The following GPR137C variants were observed in gnomAD, a reference collection of about 807,000 sequenced individuals.
The protein encoded by GPR137C is integral membrane protein GPR137C.
GPR137C carries 27 observed loss-of-function variants against 43.4 expected under a neutral mutation model. The observed-to-expected ratio is 0.62, with a 90% CI of 0.46 to 0.86. The LOEUF is 0.86. Ranked by LOEUF, GPR137C falls within the 40% of genes least tolerant of loss-of-function variation. The pLI is 0.00. For missense variants in GPR137C, 522 were observed against 534.6 expected (o/e 0.98, Z 0.23); for synonymous variants, 285 against 226.9 (o/e 1.26, Z -2.30).
At chr14:52,598,201 C>G in intron 1 of GPR137C, 71 bp from the exon 2 acceptor site, 1 of 565,138 alleles carries the variant, frequency 1.8e-6, no homozygotes, top group East Asian at 3.2e-5. Flanking sequence ...CTTTAAAACA[C>G]AAAATCAGAA....
intron 1 of GPR137C, among the ~76,000 whole-genome samples, chr14:52,559,588 A>G (rs1026477007): frequency 3.3e-4 from 51 of 152,336 alleles, no homozygotes; most frequent in African/African-American, 1.2e-3. Flanking sequence ...CAAAAAGCCT[A>G]TAGCTGATAT....
chr14:52,553,309 C>G lies in GPR137C; in HGVS notation c.162C>G (p.Ala54=), dbSNP rs1276058906. Residue 54 remains alanine (A), a synonymous_variant, in exon 1 of 7, where the codon GCC becomes GCG. Transcript: ENST00000321662. ...SVQLALSVLH[A]LLYAALFAFA... is the part of the protein sequence containing the mutation. ...AGTTGGCGCTGAGCGTCCTGCACGC[C>G]CTGCTCTACGCCGCGCTGTTCGCCT... 1 of 1,570,410 alleles carries G rather than the reference C, an allele frequency of 6.4e-7. No individual in the cohort carries two copies. The highest frequency in any genetic ancestry group is 1.3e-5 in the African/African-American group (1 of 74,240).
In GPR137C at chr14:52,555,185, A is replaced by G. The variant is rs548875607; in HGVS notation, c.444+1594A>G. ...GAAAGTGACTAGCGATTTTTATGCC[A>G]GGGGCATCAGATGACTTGTTTTTTC... is the stretch of plus-strand genomic sequence containing the variant. On this transcript the variant is annotated intron_variant, in intron 1 of 6. Transcript: ENST00000321662. 3.5e-4 allele frequency among the ~76,000 whole-genome samples: 53 copies of G among 152,320 alleles called. No homozygotes were observed. The East Asian group carries it at 7.5e-3, about 22-fold the overall frequency.
At chr14:52,563,894 T>G (rs890635966) in intron 1 of GPR137C, among the ~76,000 whole-genome samples, 4 of 152,156 alleles carry the variant, frequency 2.6e-5, no homozygotes, top group Admixed American at 6.5e-5. Context: ...GCAGTTAGCC[T>G]TCTAATTGGT....
intron 3 of GPR137C, among the ~76,000 whole-genome samples, chr14:52,606,673 T>C (rs1266239924): frequency 5.3e-5 from 8 of 152,188 alleles, no homozygotes; most frequent in African/African-American, 1.9e-4. Context: ...CATCCTTAGT[T>C]TTAATTATTT....
intron 3 of GPR137C, among the ~76,000 whole-genome samples, chr14:52,625,390 G>C (rs2039211118): frequency 6.7e-6 from 1 of 149,730 alleles, no homozygotes; most frequent in Non-Finnish European, 1.5e-5. Context: ...ACTGAGGCAG[G>C]AGAATCGCTT....
chr14:52,616,182 A>C (rs2039096865), intron 3 of GPR137C, among the ~76,000 whole-genome samples: 1 of 152,238 alleles, frequency 6.6e-6, no homozygotes, highest in South Asian at 2.1e-4. Context: ...CAAACATTGC[A>C]TATTTACACA....
intron 1 of GPR137C, among the ~76,000 whole-genome samples, chr14:52,565,778 T>C (rs773425865): frequency 6.6e-6 from 1 of 152,226 alleles, no homozygotes; most frequent in Non-Finnish European, 1.5e-5. Flanking sequence ...TGTAATCTTA[T>C]TATTTTAACT....
At position 52,598,767 on chromosome 14, in the gene GPR137C, T is replaced by C. The variant is rs540119906; in HGVS notation, c.488+452T>C. ...CCAATTTTCCCACTAACTTGCTGAC[T>C]GTGCAATTCATGTACCCTCTACTAG... On this transcript the variant is annotated intron_variant, in intron 2 of 6. Transcript: ENST00000321662. Among the ~76,000 whole-genome samples the C allele has an allele frequency of 8.5e-5, 13 of 152,368 alleles. No individual in the cohort carries two copies. In the South Asian group the frequency reaches 2.5e-3, roughly 29 times the overall value.
At chr14:52,604,317 A>G (rs2038959824) in intron 3 of GPR137C, among the ~76,000 whole-genome samples, 1 of 152,070 alleles carries the variant, frequency 6.6e-6, no homozygotes, top group Non-Finnish European at 1.5e-5. Flanking sequence ...TTGAGGCCTT[A>G]CCCAAAAAAT....
At chr14:52,585,471 A>G (rs1213517890) in intron 1 of GPR137C, among the ~76,000 whole-genome samples, 2 of 152,202 alleles carry the variant, frequency 1.3e-5, no homozygotes, top group African/African-American at 4.8e-5. Context: ...CAGATTGCTG[A>G]ATCTTCAACC....
intron 3 of GPR137C, among the ~76,000 whole-genome samples, chr14:52,631,835 C>T (rs1478536453): frequency 1.3e-5 from 2 of 151,944 alleles, no homozygotes; most frequent in African/African-American, 4.8e-5. Flanking sequence ...TATGACTAAA[C>T]TACCTCTTTG....
intron 1 of GPR137C, among the ~76,000 whole-genome samples, chr14:52,595,436 C>A (rs1287123750): frequency 6.6e-6 from 1 of 151,868 alleles, no homozygotes; most frequent in African/African-American, 2.4e-5. Context: ...TCCATTCTCC[C>A]CATCACTTTC....
chr14:52,622,327 C>T (rs537375281), intron 3 of GPR137C, among the ~76,000 whole-genome samples: 6 of 152,068 alleles, frequency 3.9e-5, no homozygotes, highest in South Asian at 2.1e-4. Flanking sequence ...TTTGTAACAT[C>T]GCGCATTAAT....
chr14:52,568,350 C>T (rs1221015635), intron 1 of GPR137C, among the ~76,000 whole-genome samples: 2 of 152,154 alleles, frequency 1.3e-5, no homozygotes, highest in South Asian at 2.1e-4. Context: ...CACCAGGGCC[C>T]TGGGTTTCAA....
chr14:52,595,352 T>A (rs2038840199), intron 1 of GPR137C, among the ~76,000 whole-genome samples: 1 of 152,220 alleles, frequency 6.6e-6, no homozygotes, highest in Non-Finnish European at 1.5e-5. Flanking sequence ...TTCCTGGATT[T>A]GAATGTTGGC....
intron 1 of GPR137C, among the ~76,000 whole-genome samples, chr14:52,571,305 C>T (rs2038464489): frequency 6.6e-6 from 1 of 152,150 alleles, no homozygotes; most frequent in South Asian, 2.1e-4. Flanking sequence ...AAACACACAT[C>T]ATACCAGAAT....
chr14:52,554,977 A>G (rs2038170548), intron 1 of GPR137C, among the ~76,000 whole-genome samples: 1 of 152,056 alleles, frequency 6.6e-6, no homozygotes, highest in Non-Finnish European at 1.5e-5. Context: ...TCACAAATCA[A>G]ATGATGCCAT....
At chr14:52,608,366 G>C (rs1251335820) in intron 3 of GPR137C, among the ~76,000 whole-genome samples, 4 of 152,182 alleles carry the variant, frequency 2.6e-5, no homozygotes, top group Admixed American at 1.3e-4. Flanking sequence ...ACAAAAAGAA[G>C]AGAAAACAAA....
Sources: allele counts gnomAD v4.1 joint callset (sites outside exome capture counted in the v4.1 genomes callset), GRCh38; gene constraint gnomAD v4.1.1; transcripts MANE v1.5; gene names NCBI Gene and HGNC (gene_info 2026-07-23, HGNC 2026-07-21).